HSP90AA1: variants seen among roughly 807,000 people sequenced by gnomAD.
The protein encoded by HSP90AA1 is heat shock protein HSP 90-alpha.
HSP90AA1 carries 18 observed loss-of-function variants against 73.3 expected under a neutral mutation model. The ratio of observed to expected loss-of-function variants is 0.25; its 90% CI spans 0.17 to 0.36. The LOEUF (loss-of-function observed/expected upper bound fraction) is 0.36. HSP90AA1 is among the 10% of genes least tolerant of loss of function. The probability of loss-of-function intolerance (pLI) is 1.00; values close to 1 mark genes in which losing one functional copy is unlikely to be tolerated. For synonymous variants in HSP90AA1, 477 were observed against 296.9 expected (o/e 1.61, Z -6.24); for missense variants, 704 against 874.2 (o/e 0.81, Z 2.45).
upstream of HSP90AA1, chr14:102,087,052 C>T (rs569873051): frequency 1.3e-5 from 13 of 985,398 alleles, no homozygotes; most frequent in Admixed American, 6.1e-5. Context: ...ACTGACGCGC[C>T]ACCCCCGCGC....
exon 1 of HSP90AA1, chr14:102,139,399 G>C (rs541883842): frequency 1.3e-6 from 2 of 1,564,398 alleles, no homozygotes; most frequent in African/African-American, 2.7e-5. Flanking sequence ...CCGAACACGG[G>C]GGCATCCGCG....
intron 1 of HSP90AA1, among the ~76,000 whole-genome samples, chr14:102,119,145 C>T (rs1238318035): frequency 3.3e-5 from 5 of 152,168 alleles, no homozygotes; most frequent in Non-Finnish European, 7.3e-5. Context: ...TGAGCCACTG[C>T]GCCCAGCCTC....
intron 1 of HSP90AA1, among the ~76,000 whole-genome samples, chr14:102,122,657 CTTTTTT>C (rs762597312): frequency 6.6e-6 from 1 of 151,342 alleles, no homozygotes; most frequent in Non-Finnish European, 1.5e-5. Context: ...TCTTCTTTTT[CTTTTTT>C]TTATTTTTTA....
intron 1 of HSP90AA1, among the ~76,000 whole-genome samples, chr14:102,102,319 C>G (rs979696442): frequency 6.6e-6 from 1 of 152,154 alleles, no homozygotes; most frequent in Non-Finnish European, 1.5e-5. Flanking sequence ...TGCTGTATGG[C>G]CTGATCCCCC....
At chr14:102,102,507 T>C (rs1445929595) in intron 1 of HSP90AA1, among the ~76,000 whole-genome samples, 2 of 152,204 alleles carry the variant, frequency 1.3e-5, no homozygotes, top group East Asian at 3.8e-4. Context: ...GTTTCAAAGT[T>C]AGTGGCTAAG....
chr14:102,110,898 A>T (rs1010452124), intron 1 of HSP90AA1, among the ~76,000 whole-genome samples: 2 of 151,960 alleles, frequency 1.3e-5, no homozygotes, highest in South Asian at 4.1e-4. Flanking sequence ...TTGTATTTTC[A>T]GTAGAAATGG....
chr14:102,107,422 T>C (rs1449184076), intron 1 of HSP90AA1, among the ~76,000 whole-genome samples: 1 of 151,954 alleles, frequency 6.6e-6, no homozygotes, highest in Non-Finnish European at 1.5e-5. Context: ...CCTCCCGGGT[T>C]CAAGCAATTA....
chr14:102,126,434 G>C (rs1366046664), intron 1 of HSP90AA1, among the ~76,000 whole-genome samples: 1 of 152,194 alleles, frequency 6.6e-6, no homozygotes, highest in East Asian at 1.9e-4. Flanking sequence ...CAATATCTTA[G>C]GGGATTCTTA....
chr14:102,102,106 T>C lies in HSP90AA1; in HGVS notation c.156-21A>G, dbSNP rs1481396120. On this transcript the variant is annotated intron_variant, in intron 1 of 11. Coordinates refer to the HSP90AA1 transcript ENST00000334701. ...CCCTGCTGGGAACATAAACACAATCTTCTGGACTTCCAAACCAAACATAAC... is the reference window on the plus strand; with the variant it reads ...CCCTGCTGGGAACATAAACACAATCCTCTGGACTTCCAAACCAAACATAAC... The C allele has an allele frequency of 3.1e-6, 5 of 1,602,158 alleles. No homozygotes were observed. In the Admixed American group the frequency reaches 8.3e-5, roughly 27 times the overall value.
intron 2 of HSP90AA1, among the ~76,000 whole-genome samples, chr14:102,101,394 T>TC (rs2049491310): frequency 6.6e-6 from 1 of 152,078 alleles, no homozygotes; most frequent in Non-Finnish European, 1.5e-5. Context: ...CCCAGGCCCC[T>TC]CCAACACTCC....
rs375703098 is a variant in HSP90AA1 at position 102,085,776 on chromosome 14, T to C, written c.511A>G (p.Thr171Ala). The change falls in exon 3 of 11, where the codon ACA becomes GCA. Residue 171 changes from threonine to alanine, a missense_variant. Physicochemically the swap from Thr to Ala is moderately conservative, Grantham distance 58 (BLOSUM62 0). Transcript: ENST00000216281. ...AWESSAGGSF[T>A]VRTDTGEPMG... The stretch of plus-strand genomic sequence containing the variant: ...TGCCTACCTGTGTCTGTCCTCACTG[T>C]GAATGATCCCCCTGCTGAGGACTCC... 2 of 1,613,870 alleles carry C rather than the reference T, an allele frequency of 1.2e-6. No homozygotes were observed. The highest frequency in any genetic ancestry group is 1.3e-5 in the African/African-American group (1 of 74,916).
exon 1 of HSP90AA1, chr14:102,139,396 C>T (rs1477774593): frequency 3.8e-6 from 6 of 1,566,826 alleles, no homozygotes; most frequent in Non-Finnish European, 5.2e-6. Context: ...CGCCCGAACA[C>T]GGGGGCATCC....
intron 1 of HSP90AA1, among the ~76,000 whole-genome samples, chr14:102,116,188 C>T (rs995467627): frequency 2.6e-5 from 4 of 151,882 alleles, no homozygotes; most frequent in African/African-American, 9.7e-5. Context: ...CTCCTGACCT[C>T]GTGATCCACC....
intron 2 of HSP90AA1, among the ~76,000 whole-genome samples, chr14:102,093,199 A>AATAT (rs1189169750): frequency 1.3e-5 from 2 of 149,358 alleles, no homozygotes; most frequent in East Asian, 3.9e-4. Context: ...TAAATTAAAA[A>AATAT]ATATATATAT....
At chr14:102,135,777 G>A (rs1467565750) in intron 1 of HSP90AA1, among the ~76,000 whole-genome samples, 3 of 152,222 alleles carry the variant, frequency 2.0e-5, no homozygotes, top group African/African-American at 4.8e-5. Context: ...CATTGCCCGG[G>A]GCCAGCAGGG....
At chr14:102,085,492 T>A in intron 3 of HSP90AA1, 61 bp from the exon 4 acceptor site, 1 of 1,466,606 alleles carries the variant, frequency 6.8e-7, no homozygotes, top group Non-Finnish European at 9.5e-7. Context: ...ACGCCATGCC[T>A]AACACCCTTA....
intron 1 of HSP90AA1, among the ~76,000 whole-genome samples, chr14:102,115,237 A>T (rs2049691888): frequency 3.9e-5 from 6 of 152,078 alleles, no homozygotes. Context: ...AGGTAGAGTG[A>T]GCCAAAATCA....
chr14:102,105,373 G>A (rs2049553749), intron 1 of HSP90AA1, among the ~76,000 whole-genome samples: 1 of 152,110 alleles, frequency 6.6e-6, no homozygotes, highest in South Asian at 2.1e-4. Context: ...TGTATACCCT[G>A]ATGTAAAATA....
At chr14:102,101,420 C>T (rs1205450660) in intron 2 of HSP90AA1, among the ~76,000 whole-genome samples, 1 of 152,014 alleles carries the variant, frequency 6.6e-6, no homozygotes, top group Non-Finnish European at 1.5e-5. Flanking sequence ...CATCTCTTGC[C>T]ACCACCACCC....
Sources: allele counts gnomAD v4.1 joint callset (sites outside exome capture counted in the v4.1 genomes callset), GRCh38; gene constraint gnomAD v4.1.1; transcripts MANE v1.5; gene names NCBI Gene and HGNC (gene_info 2026-07-23, HGNC 2026-07-21).